Variants in DOP1B observed in about 807,000 individuals in gnomAD.
DOP1B encodes the protein DOP1 leucine zipper like protein B, also known as protein DOP1B.
DOP1B carries 174 observed loss-of-function variants against 233.5 expected under a neutral mutation model. The ratio of observed to expected loss-of-function variants is 0.75; its 90% CI spans 0.66 to 0.85. DOP1B has a LOEUF of 0.85. Among genes scored for constraint, DOP1B ranks in the 40% least tolerant of loss-of-function variants. DOP1B has a pLI of 0.00. For missense variants in DOP1B, 2,652 were observed against 2,846.6 expected (o/e 0.93, Z 1.56); for synonymous variants, 1,190 against 1,185.6 (o/e 1.00, Z -0.08).
intron 27 of DOP1B, among the ~76,000 whole-genome samples, chr21:36,276,302 A>G (rs550438937): frequency 6.6e-6 from 1 of 152,274 alleles, no homozygotes; most frequent in South Asian, 2.1e-4. Flanking sequence ...AGGCCAAGGC[A>G]GGCAAATTAC....
chr21:36,166,099 T>G (rs28714673), intron 2 of DOP1B, among the ~76,000 whole-genome samples: 112,713 of 151,294 alleles, frequency 0.74, 42,237 homozygotes, highest in East Asian at 0.84. Flanking sequence ...AAACCAACCA[T>G]GCGCCCTCCC....
At position 36,214,278 on chromosome 21, in the gene DOP1B, G is replaced by T. The variant is rs983993609; in HGVS notation, c.1014+88G>T. 2.3e-6 allele frequency: 3 copies of T among 1,305,124 alleles called. No homozygotes were observed. The Admixed American group carries it at 6.1e-5, about 27-fold the overall frequency. The allele number at this position is 1,305,124 out of a possible 1,614,324, so 80.8% of individuals were successfully genotyped here. A position where few individuals can be genotyped will look rare whatever the true frequency, so the allele number is the denominator to read the frequency against. Reference sequence around the variant, plus strand: ...TGGGAGGCTTCCACATAGGCAGTGAGCACGTTCCTTGGCCCCTGGTTTGGG... The same window carrying T: ...TGGGAGGCTTCCACATAGGCAGTGATCACGTTCCTTGGCCCCTGGTTTGGG... On this transcript the variant is annotated intron_variant, in intron 8 of 36. Transcript: ENST00000691173.
At chr21:36,208,946 A>G (rs200949348) in intron 5 of DOP1B, 42 bp downstream of exon 5, 8 of 1,462,050 alleles carry the variant, frequency 5.5e-6, no homozygotes, top group African/African-American at 4.5e-5. Flanking sequence ...AGGAGGCGAC[A>G]TGTGGGCACA....
intron 12 of DOP1B, among the ~76,000 whole-genome samples, chr21:36,227,376 T>C (rs568476190): frequency 5.3e-5 from 8 of 150,344 alleles, no homozygotes; most frequent in East Asian, 4.0e-4. Context: ...TGAAACCCCA[T>C]CTCTACTAAA....
Position 36,247,458 on chromosome 21 carries a change from A to G in DOP1B, c.4698-59A>G, listed in dbSNP as rs80184783. 698 of 1,251,094 alleles carry G rather than the reference A, an allele frequency of 5.6e-4. 2 individuals carry two copies. In the African/African-American group the frequency reaches 9.7e-3, roughly 17 times the overall value. The allele number at this position is 1,251,094 out of a possible 1,614,324, so 77.5% of individuals were successfully genotyped here. The stretch of plus-strand genomic sequence containing the variant: ...CCTGTGTTTATATATAGGATTAGAA[A>G]CCCTTATGGCCTCATTCTTTAAAAA... On this transcript the variant is annotated intron_variant, in intron 19 of 36. Coordinates refer to ENST00000691173, the MANE Select transcript of DOP1B (RefSeq NM_001320714.2).
At chr21:36,279,854 C>T (rs568746672) in intron 30 of DOP1B, among the ~76,000 whole-genome samples, 1 of 152,278 alleles carries the variant, frequency 6.6e-6, no homozygotes, top group East Asian at 1.9e-4. Flanking sequence ...CTATCACTAA[C>T]CTCTTTTCAG....
intron 18 of DOP1B, among the ~76,000 whole-genome samples, chr21:36,240,978 C>T (rs2066886085): frequency 6.6e-6 from 1 of 152,054 alleles, no homozygotes; most frequent in South Asian, 2.1e-4. Context: ...AACCAAGGCC[C>T]AGAATGTGGC....
At chr21:36,281,345 C>T in intron 31 of DOP1B, 138 bp from the exon 32 acceptor site, 2 of 815,948 alleles carry the variant, frequency 2.5e-6, no homozygotes, top group Non-Finnish European at 3.7e-6. Flanking sequence ...TACATGGGAA[C>T]AGTAATCTCA....
At chr21:36,225,712 A>T in intron 12 of DOP1B, 45 bp downstream of exon 12, 2 of 1,590,628 alleles carry the variant, frequency 1.3e-6, no homozygotes, top group Non-Finnish European at 1.7e-6. Context: ...TATTATTTAC[A>T]TTCTTACTGG....
intron 17 of DOP1B, 55 bp downstream of exon 17, chr21:36,238,756 G>T (rs756635950): frequency 5.6e-5 from 87 of 1,560,538 alleles, no homozygotes; most frequent in Non-Finnish European, 7.6e-5. Context: ...CTCCACAGAG[G>T]TGCCTGCCCA....
Position 36,263,669 on chromosome 21 carries a change from G to C in DOP1B, c.5420+19G>C, listed in dbSNP as rs768956068. The C allele has an allele frequency of 3.1e-6, 5 of 1,613,378 alleles. No homozygotes were observed. On this transcript the variant is annotated intron_variant, in intron 25 of 36. Coordinates refer to ENST00000691173, the MANE Select transcript of DOP1B (RefSeq NM_001320714.2). ...TTCTCAGGTATCATGTCACCACATT[G>C]TCATTGTGTAATATTTTCTCTTGGC...
chr21:36,183,622 T>G (rs2066127877), intron 2 of DOP1B, among the ~76,000 whole-genome samples: 1 of 152,232 alleles, frequency 6.6e-6, no homozygotes, highest in Non-Finnish European at 1.5e-5. Context: ...CAGAGGACCT[T>G]CTGTCTCCCC....
At chr21:36,170,868 C>T (rs978169031) in intron 2 of DOP1B, among the ~76,000 whole-genome samples, 2 of 151,770 alleles carry the variant, frequency 1.3e-5, no homozygotes, top group East Asian at 3.9e-4. Flanking sequence ...CAAGGGTCTC[C>T]TCTTGGATCT....
Position 36,200,355 on chromosome 21 carries a change from A to C in DOP1B, c.345A>C (p.Ala115=). 3 of 1,603,498 alleles carry C rather than the reference A, an allele frequency of 1.9e-6. No individual in the cohort carries two copies. Among genetic ancestry groups the C allele is most frequent in the Non-Finnish European group, 2.6e-6 (3 of 1,176,224 alleles). ...GCTGCGGGTTATTTCCTCTCCTGGC[A>C]CACGCGGCGGTGTCGGTGAGGCCGG... ...LYSCGLFPLL[A]HAAVSVRPVL... Residue 115 remains alanine (A), a synonymous_variant, in exon 4 of 37, where the codon GCA becomes GCC. Transcript: ENST00000691173.
chr21:36,204,658 A>ATTTTT lies in DOP1B; in HGVS notation c.492-4045_492-4041dup, dbSNP rs56725433. Reference sequence around the variant, plus strand: ...GCCACCCCTTTTGGCTGACATTTCTATTTTTTTTTTTTTTTTGAGACAGTC... The same window carrying ATTTTT: ...GCCACCCCTTTTGGCTGACATTTCTATTTTTTTTTTTTTTTTTTTTTGAGACAGTC... On this transcript the variant is annotated intron_variant, in intron 4 of 36. Coordinates refer to ENST00000691173, the MANE Select transcript of DOP1B (RefSeq NM_001320714.2). Among the ~76,000 whole-genome samples the ATTTTT allele has an allele frequency of 9.2e-3, 1,062 of 115,138 alleles. 83 individuals carry two copies. Among genetic ancestry groups the ATTTTT allele is most frequent in the African/African-American group, 0.033 (969 of 29,252 alleles). 75.5% of individuals were successfully genotyped at this position (115,138 alleles called of 152,430 possible). A position where few individuals can be genotyped will look rare whatever the true frequency, so the allele number is the denominator to read the frequency against.
rs1489670634 is a variant in DOP1B at position 36,175,614 on chromosome 21, G to A, written c.138+10743G>A. ...TCAAGACCAGCCTGGCCAACATGGTGAAATCCTGTTTCTATTGAAAATATA... is the reference window on the plus strand; with the variant it reads ...TCAAGACCAGCCTGGCCAACATGGTAAAATCCTGTTTCTATTGAAAATATA... On this transcript the variant is annotated intron_variant, in intron 2 of 36. Coordinates refer to ENST00000691173, the MANE Select transcript of DOP1B (RefSeq NM_001320714.2). Among the ~76,000 whole-genome samples the A allele has an allele frequency of 4.0e-5, 6 of 151,850 alleles. No individual in the cohort carries two copies. In the East Asian group the frequency reaches 1.2e-3, roughly 30 times the overall value.
At position 36,211,527 on chromosome 21, in the gene DOP1B, T is replaced by G. The variant is rs369976395; in HGVS notation, c.682-26T>G. 17 of 1,604,090 alleles carry G rather than the reference T, an allele frequency of 1.1e-5. No individual in the cohort carries two copies. The African/African-American group carries it at 1.2e-4, about 11-fold the overall frequency. ...ATGACCATAAAGAGTAGCCTGAAAA[T>G]GCTAGTGCCGTTTGATCGTTTACAG... On this transcript the variant is annotated intron_variant, in intron 5 of 36. Coordinates refer to ENST00000691173, the MANE Select transcript of DOP1B (RefSeq NM_001320714.2).
chr21:36,222,404 A>G (rs922692012), intron 10 of DOP1B, among the ~76,000 whole-genome samples: 2 of 151,680 alleles, frequency 1.3e-5, no homozygotes, highest in Admixed American at 6.6e-5. Context: ...CATCACGGTG[A>G]AACCCCGTCT....
At position 36,182,058 on chromosome 21, in the gene DOP1B, T is replaced by G. The variant is rs190933982; in HGVS notation, c.139-17012T>G. Among the ~76,000 whole-genome samples the G allele has an allele frequency of 1.4e-3, 212 of 152,342 alleles. 1 individual carries two copies. Among genetic ancestry groups the G allele is most frequent in the Non-Finnish European group, 2.5e-3 (169 of 68,034 alleles). On this transcript the variant is annotated intron_variant, in intron 2 of 36. Transcript: ENST00000691173. ...TCTGCCTTATATATTACTCTTGTGT[T>G]TGGGGGTCATTCTTGTACTTAGGCT...
Sources: allele counts gnomAD v4.1 joint callset (sites outside exome capture counted in the v4.1 genomes callset), GRCh38; gene constraint gnomAD v4.1.1; transcripts MANE v1.5; gene names NCBI Gene and HGNC (gene_info 2026-07-23, HGNC 2026-07-21).